Variants in SMC4 observed in about 807,000 individuals in gnomAD.
SMC4 encodes structural maintenance of chromosomes protein 4.
Under a neutral mutation model 145.6 loss-of-function variants are expected in SMC4, and 87 were observed. The observed-to-expected ratio is 0.60, with a 90% CI of 0.50 to 0.71. The LOEUF (loss-of-function observed/expected upper bound fraction) is 0.71, where lower values mean the gene tolerates loss of function less well. SMC4 is among the 30% of genes least tolerant of loss of function. SMC4 has a pLI of 0.00. For missense variants in SMC4, 1,447 were observed against 1,537.1 expected (o/e 0.94, Z 0.98); for synonymous variants, 558 against 500.7 (o/e 1.11, Z -1.53).
At position 160,419,392 on chromosome 3, in the gene SMC4, A is replaced by G. The variant is rs1471549643; in HGVS notation, c.1706A>G (p.Glu569Gly). ...GAACTTCAAAAACTTACACAAGAAG[A>G]AACAAACTTTAAAAGTTTGGTTCAT... ...EKELQKLTQE[E>G]TNFKSLVHDL... Residue 569 changes from glutamate (E) to glycine (G), a missense_variant, in exon 12 of 24, where the codon GAA (glutamate) becomes GGA (glycine). Glu to Gly is a moderately conservative substitution (Grantham distance 98). Transcript: ENST00000357388. 2 of 1,601,844 alleles carry G rather than the reference A, an allele frequency of 1.2e-6. No individual in the cohort carries two copies. The highest frequency in any genetic ancestry group is 1.7e-4 in the Middle Eastern group (1 of 5,948).
At chr3:160,399,878 C>G (rs928017562) in intron 1 of SMC4, 129 bp downstream of exon 1, 2 of 152,220 alleles carry the variant, frequency 1.3e-5, no homozygotes, top group African/African-American at 4.8e-5. Flanking sequence ...TGGGAGATTT[C>G]TCTTGCTGTC....
chr3:160,421,195 C>T (rs908650835), intron 13 of SMC4, among the ~76,000 whole-genome samples: 1 of 152,074 alleles, frequency 6.6e-6, no homozygotes. Flanking sequence ...TCCCAGAGTG[C>T]TGGGATTACA....
Position 160,433,827 on chromosome 3 carries a change from C to T in SMC4, c.*18C>T. The T allele has an allele frequency of 6.3e-7, 1 of 1,586,476 alleles. No individual in the cohort carries two copies. The highest frequency in any genetic ancestry group is 8.6e-7 in the Non-Finnish European group (1 of 1,166,648). On this transcript the variant is annotated 3_prime_UTR_variant, in exon 24 of 24. Coordinates refer to ENST00000357388, the MANE Select transcript of SMC4 (RefSeq NM_001002800.3). ...TTTGTTGAACTTTATGCTGAAGATT[C>T]TTCAAGTTGATTCAGTGTATTACTG...
At chr3:160,428,978 T>G (rs1408541680) in intron 18 of SMC4, 36 bp downstream of exon 18, 17 of 1,495,590 alleles carry the variant, frequency 1.1e-5, no homozygotes, top group Non-Finnish European at 1.5e-5. Context: ...TGTTTTCCCT[T>G]TCCCTGCCTT....
chr3:160,407,291 G>C (rs2108455202), intron 5 of SMC4, among the ~76,000 whole-genome samples: 1 of 152,200 alleles, frequency 6.6e-6, no homozygotes, highest in South Asian at 2.1e-4. Context: ...ATTAGCTCAC[G>C]CCTATAATCC....
At chr3:160,420,630 C>A in intron 12 of SMC4, 110 bp from the exon 13 acceptor site, 1 of 1,107,318 alleles carries the variant, frequency 9.0e-7, no homozygotes, top group Non-Finnish European at 1.3e-6. Flanking sequence ...CTCTTTAAAA[C>A]CATGTCTACA....
At chr3:160,425,392 C>T (rs533705259) in intron 16 of SMC4, among the ~76,000 whole-genome samples, 1 of 152,052 alleles carries the variant, frequency 6.6e-6, no homozygotes, top group East Asian at 1.9e-4. Context: ...AAATGATCAC[C>T]TTCATTTTGA....
intron 16 of SMC4, among the ~76,000 whole-genome samples, chr3:160,425,693 A>G (rs1400492208): frequency 1.3e-5 from 2 of 152,234 alleles, no homozygotes; most frequent in Non-Finnish European, 2.9e-5. Flanking sequence ...TAGATTTCAA[A>G]AATTACAAGT....
intron 18 of SMC4, among the ~76,000 whole-genome samples, chr3:160,429,730 T>C (rs1262654430): frequency 1.3e-4 from 20 of 150,128 alleles, no homozygotes; most frequent in African/African-American, 4.9e-4. Context: ...TTTTTTTTTT[T>C]CTTTTTGAGA....
chr3:160,413,554 G>A lies in SMC4; in HGVS notation c.1062G>A (p.Lys354=). ...AAGATACCAAAGAAATTAATGAGAA[G>A]AGCAATATACTATCAAATGAAATGA... ...IHEDTKEINE[K]SNILSNEMKA... The change falls in exon 8 of 24, where the codon AAG becomes AAA. Residue 354 remains lysine (K), a synonymous_variant. Transcript: ENST00000357388. 2.6e-6 allele frequency: 4 copies of A among 1,526,310 alleles called. No individual in the cohort carries two copies. The highest frequency in any genetic ancestry group is 3.6e-6 in the Non-Finnish European group (4 of 1,120,722). The allele number at this position is 1,526,310 out of a possible 1,614,324, so 94.5% of individuals were successfully genotyped here. A position where few individuals can be genotyped will look rare whatever the true frequency, so the allele number is the denominator to read the frequency against.
At chr3:160,411,189 A>C (rs1043280505) in intron 5 of SMC4, among the ~76,000 whole-genome samples, 3 of 152,198 alleles carry the variant, frequency 2.0e-5, no homozygotes, top group Admixed American at 2.0e-4. Flanking sequence ...ATTACAGTTC[A>C]AAGTTGTTAT....
rs1560013196 is a variant in SMC4, at chr3:160,428,854, C to A, written c.2707C>A (p.Gln903Lys). ...EINNHKLKAQQDKLDKINKQL... is the reference protein window; with the variant it reads ...EINNHKLKAQKDKLDKINKQL... ...CAATAATCATAAACTCAAGGCCCAA[C>A]AAGACAAACTTGATAAAATAAATAA... is the stretch of plus-strand genomic sequence containing the variant. Residue 903 changes from glutamine to lysine, a missense_variant, in exon 18 of 24, where the codon CAA becomes AAA. Gln to Lys is a moderately conservative substitution (Grantham distance 53). Transcript: ENST00000357388. The A allele has an allele frequency of 1.2e-6, 2 of 1,606,326 alleles. No individual in the cohort carries two copies. Among genetic ancestry groups the A allele is most frequent in the East Asian group, 4.5e-5 (2 of 44,488 alleles).
At chr3:160,414,175 C>T (rs1716344492) in intron 8 of SMC4, 192 bp from the exon 9 acceptor site, 1 of 600,036 alleles carries the variant, frequency 1.7e-6, no homozygotes, top group Non-Finnish European at 3.2e-6. Context: ...GGCAAAATAG[C>T]TGTCATAATC....
At chr3:160,418,055 A>C in intron 11 of SMC4, 99 bp downstream of exon 11, 1 of 915,882 alleles carries the variant, frequency 1.1e-6, no homozygotes, top group Non-Finnish European at 1.7e-6. Flanking sequence ...ACTAGTGATA[A>C]ATTTTCTTCA....
At chr3:160,400,660 C>A in intron 1 of SMC4, 162 bp from the exon 2 acceptor site, 1 of 844,504 alleles carries the variant, frequency 1.2e-6, no homozygotes, top group Non-Finnish European at 1.7e-6. Context: ...GCCTTCTTGC[C>A]ACTCGTGTCT....
In SMC4 at chr3:160,424,968, T is replaced by C. The variant is rs757287844; in HGVS notation, c.2427T>C (p.His809=). 4 of 1,613,062 alleles carry C rather than the reference T, an allele frequency of 2.5e-6. No homozygotes were observed. The highest frequency in any genetic ancestry group is 1.3e-5 in the African/African-American group (1 of 74,554). ...QLEERVVKLR[H]SEREMRNTLE... is the part of the protein sequence containing the mutation. Reference sequence around the variant, plus strand: ...AAGAAAGAGTAGTTAAGTTACGGCATAGTGAACGAGAAATGAGGAACACAC... The same window carrying C: ...AAGAAAGAGTAGTTAAGTTACGGCACAGTGAACGAGAAATGAGGAACACAC... Residue 809 remains histidine, a synonymous_variant, in exon 16 of 24, where the codon CAT becomes CAC. Coordinates refer to ENST00000357388, the MANE Select transcript of SMC4 (RefSeq NM_001002800.3).
chr3:160,420,923 C>A, intron 13 of SMC4, 22 bp downstream of exon 13: 1 of 1,574,482 alleles, frequency 6.4e-7, no homozygotes, highest in South Asian at 1.2e-5. Context: ...TAATAACCTA[C>A]CTATAATTGG....
chr3:160,404,532 C>G (rs1219585554), intron 5 of SMC4, 28 bp downstream of exon 5: 4 of 1,599,602 alleles, frequency 2.5e-6, no homozygotes, highest in Non-Finnish European at 3.4e-6. Context: ...TTCAAAGATT[C>G]TCTTATTCTT....
At position 160,404,356 on chromosome 3, in the gene SMC4, A is replaced by G; in HGVS notation, c.539A>G (p.Asn180Ser). Residue 180 changes from asparagine to serine, a missense_variant, in exon 5 of 24, where the codon AAC becomes AGC. Transcript: ENST00000357388. ...GGGGATGATTATGAAGTCATTCCTA[A>G]CAGTAATTTCTATGTATCCAGAACG... ...KEGDDYEVIP[N>S]SNFYVSRTAC... 1 of 1,604,476 alleles carries G rather than the reference A, an allele frequency of 6.2e-7. No homozygotes were observed. The highest frequency in any genetic ancestry group is 8.5e-7 in the Non-Finnish European group (1 of 1,177,542).
Sources: gnomAD v4.1 joint callset for allele counts (sites outside exome capture counted in the v4.1 genomes callset) on GRCh38, gnomAD v4.1.1 for gene constraint, MANE v1.5 for transcripts, NCBI Gene and HGNC (gene_info 2026-07-23, HGNC 2026-07-21) for gene names.